SNX1: variants seen among roughly 807,000 people sequenced by gnomAD.
SNX1 encodes sorting nexin 1.
Under a neutral mutation model 71.8 loss-of-function variants are expected in SNX1, and 36 were observed. The ratio of observed to expected loss-of-function variants is 0.50; its 90% confidence interval spans 0.38 to 0.66. The LOEUF (loss-of-function observed/expected upper bound fraction) is 0.66. Ranked by LOEUF, SNX1 falls within the 30% of genes least tolerant of loss-of-function variation. The pLI, the probability that SNX1 is intolerant of heterozygous loss-of-function variation, is 0.00. For missense variants in SNX1, 612 were observed against 646.7 expected, an observed-to-expected ratio of 0.95 and a Z score of 0.58; for synonymous variants, 254 against 240.7, an observed-to-expected ratio of 1.06 and a Z score of -0.51.
At position 64,137,443 on chromosome 15, in the gene SNX1, C is replaced by T. The variant is rs573576745; in HGVS notation, c.1519-125C>T. The T allele has an allele frequency of 5.1e-5, 51 of 1,000,166 alleles. No homozygotes were observed. In the South Asian group the frequency reaches 5.7e-4, roughly 11 times the overall value. The allele number at this position is 1,000,166 out of a possible 1,614,324, so 62.0% of individuals were successfully genotyped here. ...AGGTCATGTGGCCTGTGCAGCTGCT[C>T]GGAGCCTGCCTTTGTGTGGCAGGCG... On this transcript the variant is annotated intron_variant, in intron 14 of 14. Transcript: ENST00000559844.
Position 64,131,730 on chromosome 15 carries a change from G to C in SNX1, c.1059G>C (p.Met353Ile). 1 of 1,614,176 alleles carries C rather than the reference G, an allele frequency of 6.2e-7. No homozygotes were observed. Among genetic ancestry groups the C allele is most frequent in the South Asian group, 1.1e-5 (1 of 91,078 alleles). The change falls in exon 11 of 15, where the codon ATG becomes ATC. Residue 353 changes from methionine to isoleucine, a missense_variant. Met to Ile is a conservative substitution (Grantham distance 10). Transcript: ENST00000559844. Reference sequence around the variant, plus strand: ...CCCAGTTTGCAAAGAGTCTAGCCATGCTTGGGAGCTCTGAGGACAACACGG... The same window carrying C: ...CCCAGTTTGCAAAGAGTCTAGCCATCCTTGGGAGCTCTGAGGACAACACGG... ...NTAQFAKSLA[M>I]LGSSEDNTAL...
At chr15:64,112,339 CTTTGGGGTAGGG>C in intron 1 of SNX1, among the ~76,000 whole-genome samples, 1 of 152,292 alleles carries the variant, frequency 6.6e-6, no homozygotes, top group South Asian at 2.1e-4. Flanking sequence ...GTATCATGTG[CTTTGGGGTAGGG>C]CATTTGAGCG....
At chr15:64,135,238 C>T (rs1380344443) in intron 12 of SNX1, among the ~76,000 whole-genome samples, 2 of 151,898 alleles carry the variant, frequency 1.3e-5, no homozygotes, top group Non-Finnish European at 2.9e-5. Flanking sequence ...CTGCCTCAGC[C>T]TCCCAAGTAG....
chr15:64,133,653 C>T (rs545283359), intron 11 of SNX1, among the ~76,000 whole-genome samples: 2 of 152,332 alleles, frequency 1.3e-5, no homozygotes, highest in Non-Finnish European at 2.9e-5. Context: ...TCGCTTGAAA[C>T]CAGGAGGTGG....
At chr15:64,096,651 A>C (rs1484582142) in intron 1 of SNX1, among the ~76,000 whole-genome samples, 2 of 152,216 alleles carry the variant, frequency 1.3e-5, no homozygotes, top group Non-Finnish European at 2.9e-5. Context: ...ATAATAACCA[A>C]AGGCCCTTTC....
rs2081380406 is a variant in SNX1 at position 64,138,153 on chromosome 15, A to G, written c.*535A>G. 2.0e-6 allele frequency: 3 copies of G among 1,535,632 alleles called. No homozygotes were observed. The highest frequency in any genetic ancestry group is 1.7e-6 in the Non-Finnish European group (2 of 1,146,880). ...GTTTTGTGCTGCTGCTTCCCTCTGG[A>G]AATGGGGTTTCTTTCTCTCCGCCTA... On this transcript the variant is annotated 3_prime_UTR_variant, in exon 15 of 15. Transcript: ENST00000559844.
rs1265948109 is a variant in SNX1 at position 64,112,677 on chromosome 15, C to T, written c.264C>T (p.Leu88=). The T allele has an allele frequency of 6.2e-7, 1 of 1,609,504 alleles. No individual in the cohort carries two copies. Among genetic ancestry groups the T allele is most frequent in the Non-Finnish European group, 8.5e-7 (1 of 1,177,178 alleles). ...HEEQDQEPQD[L]FADATVELSL... ...AACAAGACCAAGAGCCACAGGATCTCTTTGCAGGCAAGTTTGGACTCAAAA... is the reference window on the plus strand; with the variant it reads ...AACAAGACCAAGAGCCACAGGATCTTTTTGCAGGCAAGTTTGGACTCAAAA... The change falls in exon 2 of 15, where the codon CTC becomes CTT. Residue 88 remains leucine, a synonymous_variant. Coordinates refer to ENST00000559844, the MANE Select transcript of SNX1 (RefSeq NM_003099.5).
intron 6 of SNX1, 116 bp downstream of exon 6, chr15:64,126,336 AGACATTTCCAGT>A: frequency 1.7e-6 from 2 of 1,165,544 alleles, no homozygotes; most frequent in Non-Finnish European, 2.4e-6. Context: ...GTTAGAAAAG[AGACATTTCCAGT>A]GTTTTCCTAC....
intron 1 of SNX1, among the ~76,000 whole-genome samples, chr15:64,104,417 C>A (rs981577180): frequency 7.3e-5 from 11 of 151,658 alleles, no homozygotes; most frequent in Non-Finnish European, 1.6e-4. Flanking sequence ...GGACTACAGG[C>A]GCCCGCCACC....
chr15:64,120,303 A>T (rs1490699048), intron 4 of SNX1, among the ~76,000 whole-genome samples: 5 of 115,034 alleles, frequency 4.3e-5, no homozygotes, highest in African/African-American at 1.9e-4. Flanking sequence ...ACGGGGTCTC[A>T]CTCTGTCACC....
At chr15:64,099,101 C>T (rs2080932524) in intron 1 of SNX1, among the ~76,000 whole-genome samples, 1 of 152,150 alleles carries the variant, frequency 6.6e-6, no homozygotes, top group Non-Finnish European at 1.5e-5. Flanking sequence ...AGGATTGCAG[C>T]ACTTGTGGTA....
chr15:64,132,701 T>C (rs913122742), intron 11 of SNX1, among the ~76,000 whole-genome samples: 8 of 152,166 alleles, frequency 5.3e-5, no homozygotes, highest in Non-Finnish European at 4.4e-5. Context: ...GTTAGAACAG[T>C]GCCCCCCGCT....
intron 2 of SNX1, among the ~76,000 whole-genome samples, chr15:64,115,273 A>G (rs1380661194): frequency 6.6e-6 from 1 of 152,178 alleles, no homozygotes; most frequent in African/African-American, 2.4e-5. Flanking sequence ...TACCTGCCTC[A>G]CTTCTAAGAA....
At chr15:64,124,115 T>G (rs1166515161) in intron 5 of SNX1, among the ~76,000 whole-genome samples, 1 of 144,316 alleles carries the variant, frequency 6.9e-6, no homozygotes, top group African/African-American at 2.8e-5. Flanking sequence ...TTCTCCTGAG[T>G]TGTCTCTCAT....
intron 4 of SNX1, among the ~76,000 whole-genome samples, chr15:64,120,742 G>A (rs527792064): frequency 4.7e-4 from 71 of 152,256 alleles, no homozygotes; most frequent in Middle Eastern, 6.8e-3. Context: ...TTGGGAGGCC[G>A]AGGTGGGAGG....
intron 3 of SNX1, among the ~76,000 whole-genome samples, chr15:64,118,554 TATTC>T (rs2081157125): frequency 6.6e-6 from 1 of 152,232 alleles, no homozygotes. Context: ...ATCTGGCAGT[TATTC>T]ATTGTCATCA....
At chr15:64,107,807 A>G (rs1462270602) in intron 1 of SNX1, among the ~76,000 whole-genome samples, 1 of 152,062 alleles carries the variant, frequency 6.6e-6, no homozygotes, top group Non-Finnish European at 1.5e-5. Context: ...CAGTATTTTC[A>G]TCACAGAGAA....
chr15:64,125,247 GA>G (rs2081238264), intron 5 of SNX1, among the ~76,000 whole-genome samples: 2 of 152,064 alleles, frequency 1.3e-5, no homozygotes, highest in South Asian at 4.1e-4. Flanking sequence ...TGGATCACCT[GA>G]GGTCAGGAGT....
intron 5 of SNX1, among the ~76,000 whole-genome samples, chr15:64,124,245 G>A (rs2081226950): frequency 6.7e-6 from 1 of 148,542 alleles, no homozygotes; most frequent in Non-Finnish European, 1.5e-5. Context: ...GGTGGCTCAC[G>A]CCTGTAATTC....
Sources: gnomAD v4.1 joint callset for allele counts (sites outside exome capture counted in the v4.1 genomes callset) on GRCh38, gnomAD v4.1.1 for gene constraint, MANE v1.5 for transcripts, NCBI Gene and HGNC (gene_info 2026-07-23, HGNC 2026-07-21) for gene names.